Variants in CXCL10 observed in about 807,000 individuals in gnomAD.
CXCL10 encodes the protein C-X-C motif chemokine 10.
A neutral mutation model predicts 10.8 loss-of-function variants in CXCL10; 6 were observed. The observed-to-expected ratio is 0.55, with a 90% CI of 0.30 to 1.09. The LOEUF (loss-of-function observed/expected upper bound fraction) is 1.09, where lower values mean the gene tolerates loss of function less well. CXCL10 is among the 50% of genes least tolerant of loss of function. The pLI is 0.06. For missense variants in CXCL10, 114 were observed against 114.3 expected (o/e 1.00, Z 0.01); for synonymous variants, 35 against 35.8 (o/e 0.98, Z 0.08).
At chr4:76,022,490 C>T (rs749860619) in intron 2 of CXCL10, 35 bp from the exon 3 acceptor site, 2 of 1,589,396 alleles carry the variant, frequency 1.3e-6, no homozygotes, top group Non-Finnish European at 1.7e-6. Context: ...ATATTTAAAA[C>T]TGTGTTGGGT....
intron 1 of CXCL10, 41 bp downstream of exon 1, chr4:76,023,330 T>C (rs1733060119): frequency 1.4e-6 from 2 of 1,474,338 alleles, no homozygotes; most frequent in African/African-American, 2.8e-5. Context: ...CCTATTCCTA[T>C]TTCTCATTTT....
Position 76,022,675 on chromosome 4 carries a change from A to G in CXCL10, c.188+16T>C, listed in dbSNP as rs758220509. 10 of 1,612,300 alleles carry G rather than the reference A, an allele frequency of 6.2e-6. No individual in the cohort carries two copies. The Admixed American group carries it at 1.5e-4, about 24-fold the overall frequency. ...TTACAACCAGGGAAGTGATAATCAG[A>G]TGGGATTTCACTCACATGATCTCAA... On this transcript the variant is annotated intron_variant, in intron 2 of 3. Coordinates refer to ENST00000306602, the MANE Select transcript of CXCL10 (RefSeq NM_001565.4).
At position 76,021,392 on chromosome 4, in the gene CXCL10, G is replaced by A. The variant is rs1732796057; in HGVS notation, c.*538C>T. ...CTTTGTACAGTCTTTCATTAAATAA[G>A]AATACTTACACATACATTTTCAGAT... On this transcript the variant is annotated 3_prime_UTR_variant, in exon 4 of 4. Transcript: ENST00000306602. 6.5e-6 allele frequency: 1 copy of A among 153,048 alleles called. No homozygotes were observed. Among genetic ancestry groups the A allele is most frequent in the Admixed American group, 6.5e-5 (1 of 15,362 alleles). The allele number at this position is 153,048 out of a possible 1,614,324, so 9.5% of individuals were successfully genotyped here.
chr4:76,022,798 A>G lies in CXCL10; in HGVS notation c.81T>C (p.Thr27=). 6.2e-7 allele frequency: 1 copy of G among 1,610,856 alleles called. No individual in the cohort carries two copies. Among genetic ancestry groups the G allele is most frequent in the East Asian group, 2.2e-5 (1 of 44,856 alleles). The change falls in exon 2 of 4, where the codon ACT becomes ACC. Residue 27 remains threonine (T), a synonymous_variant. Coordinates refer to ENST00000306602, the MANE Select transcript of CXCL10 (RefSeq NM_001565.4). The part of the protein sequence containing the change: ...SGIQGVPLSR[T]VRCTCISISN... ...TAATGCTGATGCAGGTACAGCGTAC[A>G]GTTCTAGAGAGAGGTACTCCTGTAG... is the stretch of plus-strand genomic sequence containing the variant.
chr4:76,022,247 G>A (rs1169858879), intron 3 of CXCL10, 119 bp downstream of exon 3: 9 of 804,640 alleles, frequency 1.1e-5, no homozygotes, highest in South Asian at 3.0e-5. Flanking sequence ...AGGGGAGGGC[G>A]TGGTGGTAAC....
In CXCL10 at chr4:76,021,936, A is replaced by G. The variant is rs760025429; in HGVS notation, c.291T>C (p.Ser97=). 3 of 1,611,660 alleles carry G rather than the reference A, an allele frequency of 1.9e-6. No homozygotes were observed. The South Asian group carries it at 3.3e-5, about 18-fold the overall frequency. Residue 97 remains serine (S), a synonymous_variant, in exon 4 of 4, where the codon TCT becomes TCC. Coordinates refer to ENST00000306602, the MANE Select transcript of CXCL10 (RefSeq NM_001565.4). ...ATTTTGCTCCCCTCTGGTTTTAAGGAGATCTTTTAGACCTGTAAGAAGAGA... is the reference window on the plus strand; with the variant it reads ...ATTTTGCTCCCCTCTGGTTTTAAGGGGATCTTTTAGACCTGTAAGAAGAGA... ...KAVSKERSKR[S]P
chr4:76,022,906 A>G, intron 1 of CXCL10, 89 bp from the exon 2 acceptor site: 3 of 1,334,782 alleles, frequency 2.2e-6, no homozygotes, highest in Non-Finnish European at 2.1e-6. Flanking sequence ...CAGAACCTAT[A>G]TCCCCATATC....
chr4:76,023,235 G>A (rs903948021), intron 1 of CXCL10, 136 bp downstream of exon 1: 4 of 680,256 alleles, frequency 5.9e-6, no homozygotes, highest in Non-Finnish European at 1.0e-5. Flanking sequence ...ATGATCTGAG[G>A]GAATCTCTAT....
At chr4:76,023,298 T>G in intron 1 of CXCL10, 73 bp downstream of exon 1, 1 of 1,174,996 alleles carries the variant, frequency 8.5e-7, no homozygotes, top group Non-Finnish European at 1.3e-6. Flanking sequence ...AATACATTAT[T>G]TCTGTATTTT....
chr4:76,023,409 A>G lies in CXCL10; in HGVS notation c.23T>C (p.Ile8Thr), dbSNP rs1309416510. 1 of 1,613,942 alleles carries G rather than the reference A, an allele frequency of 6.2e-7. No individual in the cohort carries two copies. Among genetic ancestry groups the G allele is most frequent in the Non-Finnish European group, 8.5e-7 (1 of 1,179,908 alleles). Residue 8 changes from isoleucine (I) to threonine (T), a missense_variant, in exon 1 of 4, where the codon ATT (isoleucine) becomes ACT (threonine). Transcript: ENST00000306602. ...TAGAGTCAGAAAGATAAGGCAGCAA[A>G]TCAGAATGGCAGTTTGATTCATGGT... MNQTAIL[I>T]CCLIFLTLSG...
In CXCL10 at chr4:76,022,812, G is replaced by A; in HGVS notation, c.67C>T (p.Pro23Ser). 1 of 1,608,032 alleles carries A rather than the reference G, an allele frequency of 6.2e-7. No homozygotes were observed. Among genetic ancestry groups the A allele is most frequent in the Admixed American group, 1.7e-5 (1 of 59,904 alleles). ...FLTLSGIQGV[P>S]LSRTVRCTCI... ...GTACAGCGTACAGTTCTAGAGAGAG[G>A]TACTCCTGTAGGAAAAGAGGAACAG... The change falls in exon 2 of 4, where the codon CCT becomes TCT. Residue 23 changes from proline (P) to serine (S), a missense_variant. Physicochemically the swap from Pro to Ser is moderately conservative, Grantham distance 74. Coordinates refer to ENST00000306602, the MANE Select transcript of CXCL10 (RefSeq NM_001565.4).
rs925903880 is a variant in CXCL10, at chr4:76,022,588, A to G, written c.188+103T>C. The G allele has an allele frequency of 4.0e-6, 6 of 1,483,038 alleles. No homozygotes were observed. The African/African-American group carries it at 8.8e-5, about 22-fold the overall frequency. 91.9% of individuals were successfully genotyped at this position (1,483,038 alleles called of 1,614,324 possible). A position where few individuals can be genotyped will look rare whatever the true frequency, so the allele number is the denominator to read the frequency against. ...TTGTTTGCTGTACATTAGTTTTAGAATCATCACAAACCCTTTACTGATCTT... is the reference window on the plus strand; with the variant it reads ...TTGTTTGCTGTACATTAGTTTTAGAGTCATCACAAACCCTTTACTGATCTT... On this transcript the variant is annotated intron_variant, in intron 2 of 3. Transcript: ENST00000306602.
At chr4:76,022,319 T>C in intron 3 of CXCL10, 47 bp downstream of exon 3, 1 of 1,473,044 alleles carries the variant, frequency 6.8e-7, no homozygotes, top group Non-Finnish European at 9.5e-7. Flanking sequence ...CTCCCAAGAT[T>C]GCCGTTTCCT....
chr4:76,021,800 C>G lies in CXCL10; in HGVS notation c.*130G>C, dbSNP rs1057024366. The G allele has an allele frequency of 2.2e-6, 2 of 906,058 alleles. No individual in the cohort carries two copies. The highest frequency in any genetic ancestry group is 3.6e-6 in the Non-Finnish European group (2 of 548,834). 56.1% of individuals were successfully genotyped at this position (906,058 alleles called of 1,614,324 possible). A position where few individuals can be genotyped will look rare whatever the true frequency, so the allele number is the denominator to read the frequency against. On this transcript the variant is annotated 3_prime_UTR_variant, in exon 4 of 4. Coordinates refer to ENST00000306602, the MANE Select transcript of CXCL10 (RefSeq NM_001565.4). The stretch of plus-strand genomic sequence containing the variant: ...TGATTTGGTGACCATCATTGGTCAC[C>G]TTTTAGTGTAACTGCAAACTAAGAA...
In CXCL10 at chr4:76,022,353, A is replaced by G; in HGVS notation, c.278+13T>C. On this transcript the variant is annotated intron_variant, in intron 3 of 3. Transcript: ENST00000306602. ...CTAAAGAGCAATTCTTCTGCAGGCA[A>G]CAGCAAACCTACCTTTCCTTGCTAA... 1 of 1,608,944 alleles carries G rather than the reference A, an allele frequency of 6.2e-7. No individual in the cohort carries two copies. The highest frequency in any genetic ancestry group is 1.1e-5 in the South Asian group (1 of 90,970).
At position 76,021,161 on chromosome 4, in the gene CXCL10, A is replaced by G. The variant is rs1732769980; in HGVS notation, c.*769T>C. 2.0e-5 allele frequency: 3 copies of G among 152,290 alleles called. No individual in the cohort carries two copies. The highest frequency in any genetic ancestry group is 7.2e-5 in the African/African-American group (3 of 41,462). 9.4% of individuals were successfully genotyped at this position (152,290 alleles called of 1,614,324 possible). A position where few individuals can be genotyped will look rare whatever the true frequency, so the allele number is the denominator to read the frequency against. On this transcript the variant is annotated 3_prime_UTR_variant, in exon 4 of 4. Transcript: ENST00000306602. ...TTAACCTTTTGATCTTTCAACATTT[A>G]GATAGTCTTTCTTAATATTTCCAGG...
chr4:76,021,503 T>TC lies in CXCL10; in HGVS notation c.*426dup, dbSNP rs1732806337. Reference sequence around the variant, plus strand: ...CCCCTTGGGAGGATGGCAGTGGAAGTCCATGAAGTAAAGAGCATTCTTTAA... The same window carrying TC: ...CCCCTTGGGAGGATGGCAGTGGAAGTCCCATGAAGTAAAGAGCATTCTTTAA... On this transcript the variant is annotated 3_prime_UTR_variant, in exon 4 of 4. Transcript: ENST00000306602. 6.2e-6 allele frequency: 1 copy of TC among 161,138 alleles called. No individual in the cohort carries two copies. The highest frequency in any genetic ancestry group is 2.4e-5 in the African/African-American group (1 of 41,752). 10.0% of individuals were successfully genotyped at this position (161,138 alleles called of 1,614,324 possible). A position where few individuals can be genotyped will look rare whatever the true frequency, so the allele number is the denominator to read the frequency against.
intron 3 of CXCL10, 100 bp downstream of exon 3, chr4:76,022,266 A>T: frequency 1.0e-6 from 1 of 970,640 alleles, no homozygotes; most frequent in Non-Finnish European, 1.6e-6. Context: ...ACATACTTTT[A>T]AACCAGCGAT....
chr4:76,022,057 G>T, intron 3 of CXCL10, 109 bp from the exon 4 acceptor site: 1 of 1,039,890 alleles, frequency 9.6e-7, no homozygotes, highest in Non-Finnish European at 1.5e-6. Context: ...GAGCTTTCCT[G>T]CTGCTATGCA....
Sources: gnomAD v4.1 joint callset for allele counts on GRCh38, gnomAD v4.1.1 for gene constraint, MANE v1.5 for transcripts, NCBI Gene and HGNC (gene_info 2026-07-23, HGNC 2026-07-21) for gene names.